Variants in TPD52 observed in about 807,000 individuals in gnomAD.
The protein encoded by TPD52 is prostate and colon associated protein.
A neutral mutation model predicts 31.3 loss-of-function variants in TPD52; 17 were observed. That is an observed-to-expected ratio of 0.54 (90% confidence interval 0.37 to 0.82). The LOEUF (loss-of-function observed/expected upper bound fraction) is 0.82. TPD52 is among the 40% of genes least tolerant of loss of function. The pLI is 0.00. For missense variants in TPD52, 212 were observed against 240.1 expected (o/e 0.88, Z 0.77); for synonymous variants, 83 against 89.6 (o/e 0.93, Z 0.42).
At chr8:80,065,934 AT>A (rs33925188) in intron 1 of TPD52, among the ~76,000 whole-genome samples, 25,328 of 129,268 alleles carry the variant, frequency 0.2, 2,831 homozygotes, top group African/African-American at 0.43. Context: ...CTGGCAACAG[AT>A]TTTTTTTTTT....
intron 1 of TPD52, among the ~76,000 whole-genome samples, chr8:80,077,840 C>T (rs1424226066): frequency 2.6e-5 from 4 of 152,196 alleles, no homozygotes; most frequent in Non-Finnish European, 5.9e-5. Context: ...AAAAGACAAA[C>T]AAAGCTTATG....
chr8:80,068,061 T>TG (rs1214704669), intron 1 of TPD52, among the ~76,000 whole-genome samples: 1 of 83,064 alleles, frequency 1.2e-5, no homozygotes, highest in Non-Finnish European at 2.4e-5. Flanking sequence ...ATTTTAATGT[T>TG]GTTTTTTTTT....
At chr8:80,070,480 G>A (rs567125450) in intron 1 of TPD52, among the ~76,000 whole-genome samples, 6 of 152,274 alleles carry the variant, frequency 3.9e-5, no homozygotes, top group Non-Finnish European at 8.8e-5. Flanking sequence ...TTCCACCTCA[G>A]ATCATCAGGC....
intron 1 of TPD52, among the ~76,000 whole-genome samples, chr8:80,101,448 C>CAAAAAAAA (rs113660828): frequency 3.1e-4 from 36 of 114,714 alleles, no homozygotes; most frequent in African/African-American, 6.9e-4. Flanking sequence ...ACTCCCAGCT[C>CAAAAAAAA]AAAAAAAAAA....
chr8:80,143,267 C>T (rs1809963763), intron 1 of TPD52, among the ~76,000 whole-genome samples: 1 of 152,128 alleles, frequency 6.6e-6, no homozygotes, highest in Non-Finnish European at 1.5e-5. Context: ...AGCCAGGCTT[C>T]GAGAAGTTGT....
chr8:80,081,543 T>C (rs1815291522), intron 1 of TPD52, among the ~76,000 whole-genome samples: 1 of 151,996 alleles, frequency 6.6e-6, no homozygotes, highest in South Asian at 2.1e-4. Flanking sequence ...AAAGGCAGTG[T>C]TCTAATCTAA....
At chr8:80,040,467 G>A (rs533469611) in intron 7 of TPD52, among the ~76,000 whole-genome samples, 1 of 152,186 alleles carries the variant, frequency 6.6e-6, no homozygotes, top group African/African-American at 2.4e-5. Flanking sequence ...TGGAATTACA[G>A]GTGTAAGCCA....
chr8:80,086,117 G>GTT lies in TPD52; in HGVS notation c.20-21526_20-21525dup, dbSNP rs1366202183. On this transcript the variant is annotated intron_variant, in intron 1 of 7. Transcript: ENST00000518937. ...GTTTTTTTGCTTTTTTTTTTTTTTA[G>GTT]TTTTTTTTTTTTTTTTTTTGAGACG... Among the ~76,000 whole-genome samples, 269 of 88,858 alleles carry GTT rather than the reference G, an allele frequency of 3.0e-3. 8 individuals carry two copies. The highest frequency in any genetic ancestry group is 0.012 in the Middle Eastern group (2 of 168). The allele number at this position is 88,858 out of a possible 152,430, so 58.3% of individuals were successfully genotyped here. A position where few individuals can be genotyped will look rare whatever the true frequency, so the allele number is the denominator to read the frequency against.
At chr8:80,138,507 G>A (rs1809598542) in intron 1 of TPD52, among the ~76,000 whole-genome samples, 1 of 152,170 alleles carries the variant, frequency 6.6e-6, no homozygotes, top group Admixed American at 6.5e-5. Flanking sequence ...CATTATATCT[G>A]AGTACAGGAC....
chr8:80,147,219 G>C (rs7814474), intron 1 of TPD52, among the ~76,000 whole-genome samples: 13,705 of 152,182 alleles, frequency 0.09, 1,121 homozygotes, highest in African/African-American at 0.22. Context: ...ATTGCTCCTG[G>C]AAGTTAAAAG....
At chr8:80,032,038 A>G (rs1809705405), downstream of TPD52, among the ~76,000 whole-genome samples, 1 of 151,828 alleles carries the variant, frequency 6.6e-6, no homozygotes, top group Admixed American at 6.6e-5. Context: ...CTGTAATCCC[A>G]TCCACTCAGG....
At position 80,147,838 on chromosome 8, in the gene TPD52, G is replaced by A. The variant is rs897467920; in HGVS notation, c.19+23587C>T. ...CACACACATACATACACACACACAC[G>A]CACACACACACACACACCCCCCACA... On this transcript the variant is annotated intron_variant, in intron 1 of 7. Transcript: ENST00000518937. 6.0e-4 allele frequency among the ~76,000 whole-genome samples: 89 copies of A among 148,156 alleles called. No individual in the cohort carries two copies. In the East Asian group the frequency reaches 0.015, roughly 25 times the overall value.
At chr8:80,155,107 C>T (rs745715369) in intron 1 of TPD52, among the ~76,000 whole-genome samples, 1 of 151,820 alleles carries the variant, frequency 6.6e-6, no homozygotes, top group Non-Finnish European at 1.5e-5. Context: ...AAGCGATCCT[C>T]CTGCCTCAGC....
In TPD52 at chr8:80,129,548, C is replaced by T. The variant is rs368675667; in HGVS notation, c.19+41877G>A. ...GCTAAGTGCTCATCACTCTTCTTTGCTCTTGTATTCTACCTGCATGTTGTT... is the reference window on the plus strand; with the variant it reads ...GCTAAGTGCTCATCACTCTTCTTTGTTCTTGTATTCTACCTGCATGTTGTT... On this transcript the variant is annotated intron_variant, in intron 1 of 7. Coordinates refer to ENST00000518937, the MANE Select transcript of TPD52 (RefSeq NM_001025253.3). 3.9e-5 allele frequency among the ~76,000 whole-genome samples: 6 copies of T among 152,248 alleles called. No homozygotes were observed. In the East Asian group the frequency reaches 5.8e-4, roughly 15 times the overall value.
chr8:80,130,320 C>T (rs368733799), intron 1 of TPD52, among the ~76,000 whole-genome samples: 36 of 152,088 alleles, frequency 2.4e-4, no homozygotes, highest in African/African-American at 7.7e-4. Flanking sequence ...CAGACAAAAC[C>T]CAAATTATGT....
intron 1 of TPD52, among the ~76,000 whole-genome samples, chr8:80,085,572 G>C (rs947960647): frequency 1.3e-5 from 2 of 152,048 alleles, no homozygotes; most frequent in African/African-American, 4.8e-5. Context: ...GCTGGAAGGG[G>C]CTCCAACTAG....
At chr8:80,091,438 C>A (rs1816259615) in intron 1 of TPD52, among the ~76,000 whole-genome samples, 4 of 149,044 alleles carry the variant, frequency 2.7e-5, no homozygotes, top group Non-Finnish European at 4.4e-5. Context: ...CACTGCGCTC[C>A]AGCCTGGGCG....
intron 1 of TPD52, among the ~76,000 whole-genome samples, chr8:80,140,216 T>C (rs1809733407): frequency 6.6e-6 from 1 of 152,090 alleles, no homozygotes; most frequent in Non-Finnish European, 1.5e-5. Context: ...CACAAGTGAG[T>C]AGTGGAGCCT....
intron 1 of TPD52, among the ~76,000 whole-genome samples, chr8:80,159,995 A>T (rs1280475410): frequency 1.3e-5 from 2 of 152,298 alleles, no homozygotes; most frequent in Middle Eastern, 3.4e-3. Context: ...GTTCGAGACC[A>T]GTCTGGGCAA....
Sources: allele counts gnomAD v4.1 joint callset (sites outside exome capture counted in the v4.1 genomes callset), GRCh38; gene constraint gnomAD v4.1.1; transcripts MANE v1.5; gene names NCBI Gene and HGNC (gene_info 2026-07-23, HGNC 2026-07-21).